Variants in DUS2 observed in about 807,000 individuals in gnomAD.
The protein encoded by DUS2 is tRNA-dihydrouridine(20) synthase [NAD(P)+]-like.
In DUS2, 52 loss-of-function variants were observed where a neutral mutation model predicts 71.3. The observed-to-expected ratio is 0.73, with a 90% CI of 0.58 to 0.92. The LOEUF (loss-of-function observed/expected upper bound fraction) is 0.92. DUS2 is among the 40% of genes least tolerant of loss of function. The pLI is 0.00. For missense variants in DUS2, 558 were observed against 622.6 expected, an observed-to-expected ratio of 0.90 and a Z score of 1.10; for synonymous variants, 204 against 227.8, an observed-to-expected ratio of 0.90 and a Z score of 0.94.
intron 3 of DUS2, among the ~76,000 whole-genome samples, chr16:68,046,444 T>C (rs1435490347): frequency 6.6e-6 from 1 of 151,998 alleles, no homozygotes; most frequent in Admixed American, 6.6e-5. Flanking sequence ...AGTGGCACGA[T>C]CTCAGCTCAC....
chr16:68,035,889 TA>T (rs1567470049), intron 2 of DUS2, among the ~76,000 whole-genome samples: 6 of 2,112 alleles, frequency 2.8e-3, no homozygotes, highest in African/African-American at 3.0e-3. Context: ...TAATTTTATA[TA>T]TATATATATA....
chr16:68,071,228 T>C, intron 12 of DUS2, 120 bp downstream of exon 12: 3 of 1,063,272 alleles, frequency 2.8e-6, no homozygotes, highest in South Asian at 3.0e-5. Context: ...CTTTTCTTTT[T>C]AGCTCATGTA....
At chr16:68,036,287 A>G (rs1470351428) in intron 2 of DUS2, among the ~76,000 whole-genome samples, 2 of 152,000 alleles carry the variant, frequency 1.3e-5, no homozygotes, top group Admixed American at 6.6e-5. Flanking sequence ...CAGCCTCCCA[A>G]GTAGCTAGGA....
chr16:68,073,860 A>G (rs1349147881), intron 12 of DUS2, among the ~76,000 whole-genome samples, 174 bp from the exon 13 acceptor site: 1 of 151,988 alleles, frequency 6.6e-6, no homozygotes, highest in Admixed American at 6.6e-5. Context: ...GAGTGCTGGG[A>G]TTACAGATGT....
intron 9 of DUS2, 86 bp downstream of exon 9, chr16:68,066,468 T>A: frequency 6.3e-7 from 1 of 1,588,998 alleles, no homozygotes; most frequent in East Asian, 2.2e-5. Context: ...GGTGCTAAAT[T>A]AGGCTTGGAG....
At chr16:68,046,274 T>C (rs1215727812) in intron 3 of DUS2, among the ~76,000 whole-genome samples, 1 of 152,232 alleles carries the variant, frequency 6.6e-6, no homozygotes, top group African/African-American at 2.4e-5. Flanking sequence ...GCTTAGCTCC[T>C]GCTTATAAGT....
At chr16:68,037,983 CTT>C (rs768616402) in intron 2 of DUS2, 21 bp from the exon 3 acceptor site, 8 of 1,599,996 alleles carry the variant, frequency 5.0e-6, no homozygotes, top group South Asian at 4.5e-5. Context: ...ATTTCTGACT[CTT>C]GTTTCCTCTT....
intron 3 of DUS2, among the ~76,000 whole-genome samples, chr16:68,043,239 T>G (rs2033657177): frequency 6.6e-6 from 1 of 151,950 alleles, no homozygotes; most frequent in African/African-American, 2.4e-5. Context: ...AAACCCCGTC[T>G]CTACAAAAAT....
chr16:68,074,888 A>G (rs538003828), intron 13 of DUS2, among the ~76,000 whole-genome samples: 1 of 150,416 alleles, frequency 6.6e-6, no homozygotes, highest in South Asian at 2.1e-4. Flanking sequence ...ACCCCACATA[A>G]CTCTGTAGCT....
intron 2 of DUS2, among the ~76,000 whole-genome samples, chr16:68,033,783 C>T (rs2033476755): frequency 6.6e-6 from 1 of 151,836 alleles, no homozygotes; most frequent in Non-Finnish European, 1.5e-5. Flanking sequence ...AGGCGCATGC[C>T]ACCACGTCTG....
At chr16:68,073,968 G>A (rs2034121593) in intron 12 of DUS2, 66 bp from the exon 13 acceptor site, 30 of 1,595,652 alleles carry the variant, frequency 1.9e-5, no homozygotes, top group Non-Finnish European at 2.4e-5. Context: ...TCCTTTCCCT[G>A]CCATCAGAGC....
intron 15 of DUS2, chr16:68,077,540 C>A (rs1325581610): frequency 6.6e-6 from 1 of 152,068 alleles, no homozygotes; most frequent in Admixed American, 6.5e-5. Flanking sequence ...GTGGGTACCA[C>A]CACACCTGGC....
Position 68,038,010 on chromosome 16 carries a change from T to C in DUS2, c.-14T>C, listed in dbSNP as rs767079041. 1.2e-6 allele frequency: 2 copies of C among 1,611,992 alleles called. No homozygotes were observed. The highest frequency in any genetic ancestry group is 1.3e-5 in the African/African-American group (1 of 74,840). On this transcript the variant is annotated 5_prime_UTR_variant, in exon 3 of 17. Transcript: ENST00000565263. ...TGTTTCCTCTTTTTTTTTCAGGCTG[T>C]AACAGAGGAGGAAATGATTTTGAAT...
intron 5 of DUS2, 50 bp from the exon 6 acceptor site, chr16:68,054,524 A>T: frequency 6.2e-7 from 1 of 1,606,440 alleles, no homozygotes; most frequent in East Asian, 2.2e-5. Context: ...TTGTCAGTGC[A>T]TGTGTATCTG....
chr16:68,077,475 C>T (rs1297721669), intron 15 of DUS2: 1 of 152,216 alleles, frequency 6.6e-6, no homozygotes, highest in Non-Finnish European at 1.5e-5. Context: ...GCAACCTCCG[C>T]CTCCAGGTTC....
intron 10 of DUS2, among the ~76,000 whole-genome samples, chr16:68,067,922 A>G (rs886620519): frequency 1.6e-4 from 24 of 152,118 alleles, no homozygotes; most frequent in Admixed American, 3.3e-4. Flanking sequence ...AGCCCCTCAA[A>G]GTGCTGGGAT....
In DUS2 at chr16:68,076,616, C is replaced by T. The variant is rs1277342949; in HGVS notation, c.1083-16C>T. 1 of 1,607,296 alleles carries T rather than the reference C, an allele frequency of 6.2e-7. No individual in the cohort carries two copies. Among genetic ancestry groups the T allele is most frequent in the South Asian group, 1.1e-5 (1 of 90,812 alleles). On this transcript the variant is annotated splice_polypyrimidine_tract_variant and intron_variant, in intron 14 of 16. Transcript: ENST00000565263. ...TGATGGTGGGTGACCCCAACTGCTT[C>T]CCTTCCTTTCCCCAGGAGAGCATAC...
Position 68,079,091 on chromosome 16 carries a change from G to T in DUS2, c.*105G>T. On this transcript the variant is annotated 3_prime_UTR_variant, in exon 17 of 17. Coordinates refer to ENST00000565263, the MANE Select transcript of DUS2 (RefSeq NM_017803.5). The stretch of plus-strand genomic sequence containing the variant: ...GTTGAACAGTTTGCTGGTCTTGCCT[G>T]GCAGAAGTTAGATGTCCTGGCAGGG... The T allele has an allele frequency of 8.9e-7, 1 of 1,126,122 alleles. No homozygotes were observed. Among genetic ancestry groups the T allele is most frequent in the Admixed American group, 2.5e-5 (1 of 39,672 alleles). The allele number at this position is 1,126,122 out of a possible 1,614,324, so 69.8% of individuals were successfully genotyped here.
In DUS2 at chr16:68,071,013, G is replaced by A. The variant is rs150098325; in HGVS notation, c.715G>A (p.Val239Met). The A allele has an allele frequency of 1.2e-5, 20 of 1,614,108 alleles. No individual in the cohort carries two copies. Among genetic ancestry groups the A allele is most frequent in the Middle Eastern group, 3.3e-4 (2 of 6,084 alleles). ...TCGACAAGCCACGGCAGCCTCTTCC[G>A]TGATGGTGGCCCGAGCAGCCATGTG... ...DFRQATAASS[V>M]MVARAAMWNP... Residue 239 changes from valine (V) to methionine (M), a missense_variant, in exon 12 of 17, where the codon GTG (valine) becomes ATG (methionine). By Grantham distance (21) the Val-to-Met change is conservative. Transcript: ENST00000565263.
Sources: gnomAD v4.1 joint callset for allele counts (sites outside exome capture counted in the v4.1 genomes callset) on GRCh38, gnomAD v4.1.1 for gene constraint, MANE v1.5 for transcripts, NCBI Gene and HGNC (gene_info 2026-07-23, HGNC 2026-07-21) for gene names.